RIT2: variants seen among roughly 807,000 people sequenced by gnomAD.
RIT2 encodes Ras like without CAAX 2.
Under a neutral mutation model 23.7 loss-of-function variants are expected in RIT2, and 24 were observed. That is an observed-to-expected ratio of 1.01 (90% CI 0.73 to 1.43). The LOEUF is 1.43. Among genes scored for constraint, RIT2 ranks in the 40% most tolerant of loss-of-function variants. The pLI is 0.00. For synonymous variants in RIT2, 107 were observed against 91.1 expected, an observed-to-expected ratio of 1.17 and a Z score of -0.99; for missense variants, 236 against 266.9, an observed-to-expected ratio of 0.88 and a Z score of 0.81.
At chr18:42,960,478 C>G in intron 3 of RIT2, among the ~76,000 whole-genome samples, 1 of 152,032 alleles carries the variant, frequency 6.6e-6, no homozygotes, top group East Asian at 1.9e-4. Context: ...CCATATTCAG[C>G]TAATTTTTGT....
intron 4 of RIT2, among the ~76,000 whole-genome samples, chr18:42,834,035 G>T (rs1281600540): frequency 6.6e-6 from 1 of 152,114 alleles, no homozygotes; most frequent in African/African-American, 2.4e-5. Context: ...TTACACAGAG[G>T]AGTTCAAACA....
intron 4 of RIT2, among the ~76,000 whole-genome samples, chr18:42,793,945 C>A (rs1914097452): frequency 6.6e-6 from 1 of 152,072 alleles, no homozygotes; most frequent in Middle Eastern, 3.2e-3. Context: ...TTTGGAAAAG[C>A]CTTCTCTCAT....
chr18:42,933,961 T>G (rs1173349651), intron 3 of RIT2, among the ~76,000 whole-genome samples: 3 of 140,356 alleles, frequency 2.1e-5, no homozygotes, highest in African/African-American at 8.1e-5. Context: ...AAGGTTGCAG[T>G]GAGCCGAGAT....
intron 3 of RIT2, among the ~76,000 whole-genome samples, chr18:42,951,883 G>A (rs1304351463): frequency 2.0e-5 from 3 of 152,106 alleles, no homozygotes; most frequent in African/African-American, 7.2e-5. Context: ...AAGGAAAGAG[G>A]TTTAATTGAC....
chr18:42,861,386 A>G (rs1907323800), intron 4 of RIT2, among the ~76,000 whole-genome samples: 1 of 152,188 alleles, frequency 6.6e-6, no homozygotes, highest in African/African-American at 2.4e-5. Flanking sequence ...TTTGAGCAGC[A>G]GCAGCAATCT....
intron 4 of RIT2, among the ~76,000 whole-genome samples, chr18:42,818,957 T>C (rs1462224284): frequency 1.3e-5 from 2 of 152,054 alleles, no homozygotes; most frequent in East Asian, 3.9e-4. Flanking sequence ...TCCTATTCCT[T>C]TCTCTGTTAC....
chr18:42,896,219 G>A (rs539349765), intron 4 of RIT2, among the ~76,000 whole-genome samples: 5 of 152,248 alleles, frequency 3.3e-5, no homozygotes, highest in East Asian at 1.9e-4. Context: ...AGCTGAGATC[G>A]TGCCATTGCA....
At chr18:42,864,771 T>G (rs988100587) in intron 4 of RIT2, among the ~76,000 whole-genome samples, 1 of 152,144 alleles carries the variant, frequency 6.6e-6, no homozygotes, top group Admixed American at 6.6e-5. Context: ...CCCACAAGCT[T>G]AACAATTTTC....
intron 4 of RIT2, among the ~76,000 whole-genome samples, chr18:42,899,981 C>T (rs765977701): frequency 2.0e-5 from 3 of 151,560 alleles, no homozygotes; most frequent in Non-Finnish European, 2.9e-5. Flanking sequence ...TTAATAAGTA[C>T]AAAACTACAT....
intron 4 of RIT2, among the ~76,000 whole-genome samples, chr18:42,808,298 A>T (rs1020397522): frequency 6.6e-6 from 1 of 152,212 alleles, no homozygotes; most frequent in Non-Finnish European, 1.5e-5. Flanking sequence ...GCATTCTGCT[A>T]AAACACATCA....
At chr18:42,975,401 T>C (rs553933393) in intron 2 of RIT2, among the ~76,000 whole-genome samples, 80 of 152,208 alleles carry the variant, frequency 5.3e-4, no homozygotes, top group Non-Finnish European at 9.1e-4. Context: ...AGCTTTTTGA[T>C]GTGCTGCTGG....
At chr18:42,864,056 G>T (rs148319697) in intron 4 of RIT2, among the ~76,000 whole-genome samples, 1 of 147,852 alleles carries the variant, frequency 6.8e-6, no homozygotes, top group African/African-American at 2.5e-5. Flanking sequence ...AAAAAAAAAC[G>T]ATATGAAATT....
intron 1 of RIT2, among the ~76,000 whole-genome samples, chr18:43,057,569 T>C (rs929794902): frequency 1.3e-5 from 2 of 152,092 alleles, no homozygotes; most frequent in South Asian, 4.1e-4. Context: ...TTCTGAAAAG[T>C]TTTTTGGTAA....
intron 4 of RIT2, among the ~76,000 whole-genome samples, chr18:42,851,166 T>C (rs531962496): frequency 3.3e-5 from 5 of 152,300 alleles, no homozygotes; most frequent in African/African-American, 1.2e-4. Context: ...CCAAAGGAAA[T>C]TGCTATTACT....
intron 1 of RIT2, among the ~76,000 whole-genome samples, chr18:43,098,670 G>A (rs1049210639): frequency 6.6e-6 from 1 of 151,910 alleles, no homozygotes; most frequent in African/African-American, 2.4e-5. Context: ...GCCAGGTACT[G>A]TTTTCAGGAT....
chr18:42,901,742 A>C (rs140560850), intron 4 of RIT2, among the ~76,000 whole-genome samples: 1,942 of 152,098 alleles, frequency 0.013, 21 homozygotes, highest in Non-Finnish European at 0.018. Context: ...CAGCCCAATA[A>C]GTTTTGATGT....
chr18:43,090,939 G>A (rs1418925759), intron 1 of RIT2, among the ~76,000 whole-genome samples: 1 of 151,814 alleles, frequency 6.6e-6, no homozygotes, highest in Non-Finnish European at 1.5e-5. Context: ...GTAATATCTG[G>A]GGGATGAAAT....
chr18:42,881,519 T>C (rs376199536), intron 4 of RIT2, among the ~76,000 whole-genome samples: 5 of 152,224 alleles, frequency 3.3e-5, no homozygotes, highest in African/African-American at 1.2e-4. Context: ...TGCATCTTAG[T>C]CATCTTGGCT....
chr18:43,101,982 T>G (rs921238728), intron 1 of RIT2, among the ~76,000 whole-genome samples: 4 of 152,214 alleles, frequency 2.6e-5, no homozygotes, highest in African/African-American at 7.2e-5. Context: ...GTTTTCTGTA[T>G]GTTTATTTGC....
Sources: gnomAD v4.1 joint callset for allele counts (sites outside exome capture counted in the v4.1 genomes callset) on GRCh38, gnomAD v4.1.1 for gene constraint, MANE v1.5 for transcripts, NCBI Gene and HGNC (gene_info 2026-07-23, HGNC 2026-07-21) for gene names.